MACF1: variants seen among roughly 807,000 people sequenced by gnomAD.
MACF1 encodes microtubule-actin cross-linking factor 1.
In MACF1, 193 loss-of-function variants were observed where a neutral mutation model predicts 854.8. The ratio of observed to expected loss-of-function variants is 0.23; its 90% confidence interval spans 0.20 to 0.25. The LOEUF (loss-of-function observed/expected upper bound fraction) is 0.25. Among genes scored for constraint, MACF1 ranks in the 10% least tolerant of loss-of-function variants. MACF1 has a pLI of 1.00. For missense variants in MACF1, 7,722 were observed against 8,929.1 expected (o/e 0.86, Z 5.45); for synonymous variants, 3,185 against 3,226.7 (o/e 0.99, Z 0.44).
At chr1:39,395,688 A>G (rs1314095571) in intron 58 of MACF1, among the ~76,000 whole-genome samples, 1 of 152,136 alleles carries the variant, frequency 6.6e-6, no homozygotes, top group Non-Finnish European at 1.5e-5. Context: ...GCTGATATTT[A>G]TAACCCTTAT....
intron 6 of MACF1, among the ~76,000 whole-genome samples, chr1:39,277,974 T>C (rs940219418): frequency 1.4e-4 from 21 of 152,068 alleles, no homozygotes; most frequent in Non-Finnish European, 8.8e-5. Context: ...ATTGAATTAT[T>C]AGGAAAACAT....
At chr1:39,455,968 ATACAGATAGTCCCTGAC>A (rs1644428831) in intron 89 of MACF1, among the ~76,000 whole-genome samples, 1 of 152,242 alleles carries the variant, frequency 6.6e-6, no homozygotes, top group Non-Finnish European at 1.5e-5. Flanking sequence ...AGAACTCACT[ATACAGATAGTCCCTGAC>A]TTACAGTCTC....
At chr1:39,170,405 G>A (rs1643932652) in intron 2 of MACF1, among the ~76,000 whole-genome samples, 1 of 152,154 alleles carries the variant, frequency 6.6e-6, no homozygotes, top group South Asian at 2.1e-4. Flanking sequence ...CGACAAATGT[G>A]TATGAGCACC....
rs1358328784 is a variant in MACF1, at chr1:39,331,898, T to C, written c.5310T>C (p.Leu1770=). Residue 1770 remains leucine (L), a synonymous_variant, in exon 37 of 101, where the codon CTT becomes CTC. Coordinates refer to ENST00000564288, the MANE Select transcript of MACF1 (RefSeq NM_001394062.1). ...QVTVRLLEAQ[L]FAGGIVDPRT... ...CTGTCCGGTTGCTGGAAGCTCAGCT[T>C]TTTGCTGGTGGCATAGTAGATCCAA... 2 of 1,614,016 alleles carry C rather than the reference T, an allele frequency of 1.2e-6. No individual in the cohort carries two copies. The highest frequency in any genetic ancestry group is 8.5e-7 in the Non-Finnish European group (1 of 1,179,998).
intron 91 of MACF1, 125 bp downstream of exon 91, chr1:39,459,374 C>A: frequency 9.8e-7 from 1 of 1,017,082 alleles, no homozygotes; most frequent in Non-Finnish European, 1.4e-6. Flanking sequence ...AGAAACAGAC[C>A]TATACCAAGC....
intron 41 of MACF1, among the ~76,000 whole-genome samples, chr1:39,348,715 A>T (rs987057821): frequency 6.6e-6 from 1 of 152,218 alleles, no homozygotes; most frequent in Non-Finnish European, 1.5e-5. Context: ...AAGGATGGTC[A>T]GGAGAACACA....
chr1:39,343,236 T>C (rs950653023), intron 40 of MACF1, among the ~76,000 whole-genome samples: 1 of 152,204 alleles, frequency 6.6e-6, no homozygotes, highest in African/African-American at 2.4e-5. Flanking sequence ...ACCCCTCTCC[T>C]TCAACTTTTT....
At position 39,172,892 on chromosome 1, in the gene MACF1, C is replaced by T. The variant is rs78171756; in HGVS notation, c.221-58290C>T. ...ATACTTGGGTTAGTGCTGCTGGGGCCTTCTTGCCTTCTGGCAGACAGCCCT... is the reference window on the plus strand; with the variant it reads ...ATACTTGGGTTAGTGCTGCTGGGGCTTTCTTGCCTTCTGGCAGACAGCCCT... On this transcript the variant is annotated intron_variant, in intron 2 of 93. Transcript: ENST00000361689. Among the ~76,000 whole-genome samples, 58 of 152,336 alleles carry T rather than the reference C, an allele frequency of 3.8e-4. No homozygotes were observed. The East Asian group carries it at 0.011, about 28-fold the overall frequency.
intron 2 of MACF1, among the ~76,000 whole-genome samples, chr1:39,237,290 A>T (rs1644870320): frequency 6.6e-6 from 1 of 152,172 alleles, no homozygotes; most frequent in African/African-American, 2.4e-5. Flanking sequence ...CTCAGATTAA[A>T]TCAATTGCAA....
intron 2 of MACF1, among the ~76,000 whole-genome samples, chr1:39,106,802 C>A (rs1346019998): frequency 3.0e-5 from 4 of 135,460 alleles, no homozygotes; most frequent in East Asian, 2.6e-4. Context: ...TCTCCCCCCT[C>A]CCCCCCACTT....
intron 1 of MACF1, among the ~76,000 whole-genome samples, chr1:39,220,443 G>C (rs866144893): frequency 2.0e-5 from 3 of 149,400 alleles, no homozygotes; most frequent in African/African-American, 7.4e-5. Context: ...AAAATGCTGG[G>C]ATTACAGGTG....
intron 58 of MACF1, among the ~76,000 whole-genome samples, chr1:39,422,084 C>CA (rs898129620): frequency 6.8e-4 from 102 of 149,648 alleles, no homozygotes; most frequent in African/African-American, 2.4e-3. Context: ...CCAAAAAAAA[C>CA]AAAAAAAAAT....
In MACF1 at chr1:39,310,298, C is replaced by T. The variant is rs1646274301; in HGVS notation, c.2970C>T (p.Ala990=). The T allele has an allele frequency of 6.2e-7, 1 of 1,613,924 alleles. No homozygotes were observed. Among genetic ancestry groups the T allele is most frequent in the South Asian group, 1.1e-5 (1 of 91,068 alleles). ...ATCAGATTATGAAGAACCTTCAGGC[C>T]CACTATGAAGACTTTCTGCAGGATA... ...ECHQIMKNLQ[A]HYEDFLQDSR... is the part of the protein sequence containing the mutation. The change falls in exon 25 of 101, where the codon GCC becomes GCT. Residue 990 remains alanine (A), a synonymous_variant. Coordinates refer to ENST00000564288, the MANE Select transcript of MACF1 (RefSeq NM_001394062.1).
At chr1:39,163,064 C>A (rs1287551666) in intron 2 of MACF1, among the ~76,000 whole-genome samples, 2 of 152,070 alleles carry the variant, frequency 1.3e-5, no homozygotes, top group Non-Finnish European at 2.9e-5. Context: ...ATAAGAAACT[C>A]CATAGTCGCC....
At chr1:39,307,636 G>C (rs1017174960) in intron 23 of MACF1, among the ~76,000 whole-genome samples, 1 of 149,128 alleles carries the variant, frequency 6.7e-6, no homozygotes, top group Non-Finnish European at 1.5e-5. Flanking sequence ...GCAGTGGCGC[G>C]ATCTTGGCTC....
At position 39,357,353 on chromosome 1, in the gene MACF1, T is replaced by TG. The variant is rs565771570; in HGVS notation, c.11425-16dup. On this transcript the variant is annotated intron_variant, in intron 44 of 100. Transcript: ENST00000564288. ...GATTGCCTACTGATTGTCCTTTGTT[T>TG]GGGGGGATTTTTTTTTACCAGGCCC... 2.1e-4 allele frequency: 330 copies of TG among 1,600,368 alleles called. 3 individuals carry two copies. The East Asian group carries it at 7.3e-3, about 35-fold the overall frequency.
At chr1:39,465,286 C>T (rs946935670) in intron 95 of MACF1, among the ~76,000 whole-genome samples, 174 bp downstream of exon 95, 1 of 152,092 alleles carries the variant, frequency 6.6e-6, no homozygotes, top group African/African-American at 2.4e-5. Flanking sequence ...GCTATCTTAG[C>T]AGCAAAAGAA....
chr1:39,202,345 G>T (rs890394212), upstream of MACF1, among the ~76,000 whole-genome samples: 1 of 150,784 alleles, frequency 6.6e-6, no homozygotes, highest in African/African-American at 2.4e-5. Flanking sequence ...CGTAAACTTG[G>T]CTAGGTGCTG....
rs1249097070 is a variant in MACF1, at chr1:39,084,288, C to T, written c.70C>T (p.Arg24Ter). 4 of 1,613,940 alleles carry T rather than the reference C, an allele frequency of 2.5e-6. No individual in the cohort carries two copies. The highest frequency in any genetic ancestry group is 2.5e-6 in the Non-Finnish European group (3 of 1,179,982). The change falls in exon 2 of 94, where the codon CGA becomes TGA. Residue 24 changes from arginine to a stop codon, truncating the protein, a stop_gained. Coordinates refer to the MACF1 transcript ENST00000361689. LOFTEE classifies it high-confidence loss of function. The surrounding 1 kb of genome is among the most constrained non-coding windows in gnomAD (Gnocchi z 5.2). Reference sequence around the variant, plus strand: ...GAGTGAGCGGTCTTGTCGGAGTGAGCGATCTTACAGGAGCGAGCGGTCGGG... The same window carrying T: ...GAGTGAGCGGTCTTGTCGGAGTGAGTGATCTTACAGGAGCGAGCGGTCGGG...
Sources: gnomAD v4.1 joint callset for allele counts (sites outside exome capture counted in the v4.1 genomes callset) on GRCh38, gnomAD v4.1.1 for gene constraint, Gnocchi (gnomAD v3.1) non-coding constraint, MANE v1.5 for transcripts, NCBI Gene and HGNC (gene_info 2026-07-23, HGNC 2026-07-21) for gene names.